The following TTC23L variants were observed in gnomAD, a reference collection of about 807,000 sequenced individuals.
TTC23L encodes the protein tetratricopeptide repeat domain 23 like.
In TTC23L, 42 loss-of-function variants were observed where a neutral mutation model predicts 48.1. That is an observed-to-expected ratio of 0.87 (90% CI 0.68 to 1.13). TTC23L has a LOEUF of 1.13. TTC23L is among the 50% of genes most tolerant of loss of function. TTC23L has a pLI of 0.00. For synonymous variants in TTC23L, 159 were observed against 157.2 expected (o/e 1.01, Z -0.09); for missense variants, 391 against 421.0 (o/e 0.93, Z 0.62).
the TTC23L span, chr5:34,921,282 C>CA: frequency 6.6e-6 from 1 of 152,108 alleles, no homozygotes. Context: ...TGTAAGCCTT[C>CA]AAGACATTGA....
the TTC23L span, chr5:34,909,438 A>T: frequency 1.1e-6 from 1 of 930,856 alleles, no homozygotes; most frequent in Admixed American, 2.1e-5. Context: ...CACTTCCTTA[A>T]GAAATTCATA....
At chr5:34,841,498 A>C (rs539997007) in intron 2 of TTC23L, among the ~76,000 whole-genome samples, 1 of 152,208 alleles carries the variant, frequency 6.6e-6, no homozygotes, top group South Asian at 2.1e-4. Flanking sequence ...GGGCATTCTG[A>C]CTCTAGAATC....
chr5:34,856,708 A>C (rs904405849), intron 4 of TTC23L, among the ~76,000 whole-genome samples: 2 of 152,262 alleles, frequency 1.3e-5, no homozygotes, highest in African/African-American at 2.4e-5. Flanking sequence ...AAGAGTTAGC[A>C]AAGAATCAAT....
the TTC23L span, chr5:34,905,600 AAGAT>A: frequency 1.3e-5 from 2 of 152,202 alleles, no homozygotes; most frequent in Non-Finnish European, 2.9e-5. Flanking sequence ...AATGAAAAAA[AAGAT>A]TATCCATTCA....
chr5:34,894,815 T>C (rs1046480107), intron 9 of TTC23L, among the ~76,000 whole-genome samples: 22 of 152,126 alleles, frequency 1.4e-4, no homozygotes, highest in African/African-American at 4.8e-4. Flanking sequence ...AATAAGTTAA[T>C]GTAAGTAAAA....
chr5:34,866,551 A>G (rs1485218382), intron 6 of TTC23L, among the ~76,000 whole-genome samples: 1 of 152,194 alleles, frequency 6.6e-6, no homozygotes, highest in Non-Finnish European at 1.5e-5. Flanking sequence ...AGAGGGAATC[A>G]GAGGTAATAA....
chr5:34,915,769 G>T, the TTC23L span: 1 of 1,603,576 alleles, frequency 6.2e-7, no homozygotes, highest in Admixed American at 1.7e-5. Flanking sequence ...ACGGCGTGGA[G>T]GCTTTGCAGT....
chr5:34,884,874 A>G (rs1762455367), intron 9 of TTC23L, among the ~76,000 whole-genome samples: 1 of 152,222 alleles, frequency 6.6e-6, no homozygotes, highest in African/African-American at 2.4e-5. Context: ...GCAGCAATTG[A>G]CATCCCTTTT....
chr5:34,867,317 C>A (rs747761048), intron 7 of TTC23L: 8 of 539,224 alleles, frequency 1.5e-5, no homozygotes, highest in Non-Finnish European at 2.7e-5. Flanking sequence ...CCCCCTCCCC[C>A]TCTTATCTCT....
chr5:34,915,763 C>T, the TTC23L span: 5 of 1,604,006 alleles, frequency 3.1e-6, no homozygotes, highest in East Asian at 6.7e-5. Context: ...GAGGAAACGG[C>T]GTGGAGGCTT....
chr5:34,907,489 A>G, the TTC23L span: 1 of 152,102 alleles, frequency 6.6e-6, no homozygotes, highest in African/African-American at 2.4e-5. Flanking sequence ...TTACTCATGT[A>G]ATTTTTTCTA....
At chr5:34,850,414 C>T (rs931811819) in intron 4 of TTC23L, 106 bp downstream of exon 4, 7 of 1,388,682 alleles carry the variant, frequency 5.0e-6, no homozygotes, top group African/African-American at 4.3e-5. Flanking sequence ...CCTTCTTGCC[C>T]CTAGCTCACA....
At chr5:34,916,088 C>T in the TTC23L span, 3 of 590,708 alleles carry the variant, frequency 5.1e-6, no homozygotes, top group South Asian at 3.5e-5. Context: ...TGGCCGTCTT[C>T]CTGGAGGCGG....
chr5:34,849,606 T>G (rs2150359409), intron 3 of TTC23L, among the ~76,000 whole-genome samples: 1 of 152,370 alleles, frequency 6.6e-6, no homozygotes, highest in Non-Finnish European at 1.5e-5. Context: ...GATAAGGAAT[T>G]ATTGTTAATA....
chr5:34,848,815 T>G (rs1759437100), intron 3 of TTC23L, among the ~76,000 whole-genome samples: 1 of 152,144 alleles, frequency 6.6e-6, no homozygotes, highest in South Asian at 2.1e-4. Context: ...TGATTGGCAT[T>G]GGGTCAGATT....
chr5:34,877,950 AT>A (rs1472599988), intron 8 of TTC23L, among the ~76,000 whole-genome samples: 1 of 152,250 alleles, frequency 6.6e-6, no homozygotes, highest in Non-Finnish European at 1.5e-5. Context: ...ATCAACAAAA[AT>A]ATCTGGAATT....
At chr5:34,891,447 A>G (rs1368745607) in intron 9 of TTC23L, among the ~76,000 whole-genome samples, 1 of 152,218 alleles carries the variant, frequency 6.6e-6, no homozygotes. Context: ...CTGGCAGAGT[A>G]TGCGCTCAAT....
the TTC23L span, chr5:34,925,594 G>A: frequency 9.9e-7 from 1 of 1,007,422 alleles, no homozygotes; most frequent in Non-Finnish European, 1.4e-6. Context: ...CGTCTAATTA[G>A]TGTAGCATTT....
intron 3 of TTC23L, among the ~76,000 whole-genome samples, chr5:34,849,669 G>C (rs562294716): frequency 6.6e-6 from 1 of 152,232 alleles, no homozygotes; most frequent in East Asian, 1.9e-4. Context: ...ATCTTTTAGA[G>C]GTATTTACGA....
Sources: gnomAD v4.1 joint callset for allele counts (sites outside exome capture counted in the v4.1 genomes callset) on GRCh38, gnomAD v4.1.1 for gene constraint, MANE v1.5 for transcripts, NCBI Gene and HGNC (gene_info 2026-07-23, HGNC 2026-07-21) for gene names.